PCDHA5: variants seen among roughly 807,000 people sequenced by gnomAD.
The protein encoded by PCDHA5 is protocadherin alpha-5.
A neutral mutation model predicts 61.6 loss-of-function variants in PCDHA5; 43 were observed. The observed-to-expected ratio is 0.70, with a 90% CI of 0.55 to 0.90. The LOEUF (loss-of-function observed/expected upper bound fraction) is 0.90. PCDHA5 is among the 40% of genes least tolerant of loss of function. The pLI, the probability that PCDHA5 is intolerant of heterozygous loss-of-function variation, is 0.00. For synonymous variants in PCDHA5, 627 were observed against 543.9 expected, an observed-to-expected ratio of 1.15 and a Z score of -2.13; for missense variants, 1,298 against 1,222.7, an observed-to-expected ratio of 1.06 and a Z score of -0.92.
At chr5:140,836,003 G>T (rs1456412206) in intron 1 of PCDHA5, 5 of 1,613,328 alleles carry the variant, frequency 3.1e-6, no homozygotes, top group African/African-American at 2.7e-5. Flanking sequence ...CGCGCGATGC[G>T]GGCGTGCCGC....
rs781814958 is a variant in PCDHA5 at position 140,869,604 on chromosome 5, A to G, written c.2352+45477A>G. On this transcript the variant is annotated intron_variant, in intron 1 of 3. Transcript: ENST00000529859. ...ATGCTGACATTGAAGAGAATGCTCTATTGACCTACAGGCTAAGTAAAAATG... is the reference window on the plus strand; with the variant it reads ...ATGCTGACATTGAAGAGAATGCTCTGTTGACCTACAGGCTAAGTAAAAATG... 5 of 1,613,944 alleles carry G rather than the reference A, an allele frequency of 3.1e-6. No individual in the cohort carries two copies. In the African/African-American group the frequency reaches 4.0e-5, roughly 13 times the overall value.
In PCDHA5 at chr5:140,849,917, C is replaced by A. The variant is rs2150457519; in HGVS notation, c.2352+25790C>A. ...AGAACAACCCGCCGGGCTGCCACATCTTCACGGTGTCTGCGCGGGACGCTG... is the reference window on the plus strand; with the variant it reads ...AGAACAACCCGCCGGGCTGCCACATATTCACGGTGTCTGCGCGGGACGCTG... On this transcript the variant is annotated intron_variant, in intron 1 of 3. Coordinates refer to ENST00000529859, the MANE Select transcript of PCDHA5 (RefSeq NM_018908.3). 7 of 1,598,228 alleles carry A rather than the reference C, an allele frequency of 4.4e-6. No individual in the cohort carries two copies. In the South Asian group the frequency reaches 7.7e-5, roughly 18 times the overall value.
intron 1 of PCDHA5, among the ~76,000 whole-genome samples, chr5:140,916,170 G>A (rs782402888): frequency 1.5e-4 from 23 of 152,106 alleles, no homozygotes; most frequent in Non-Finnish European, 2.9e-4. Flanking sequence ...TGCCAGGCCT[G>A]GGACTCTTCA....
chr5:140,927,637 G>A lies in PCDHA5; in HGVS notation c.2353-51312G>A, dbSNP rs1554204838. Reference sequence around the variant, plus strand: ...CAAGGTTCCAGAGACTGCACCCAATGGGACTGTGTTATTCCGAGTTCAAGC... The same window carrying A: ...CAAGGTTCCAGAGACTGCACCCAATAGGACTGTGTTATTCCGAGTTCAAGC... On this transcript the variant is annotated intron_variant, in intron 1 of 3. Coordinates refer to ENST00000529859, the MANE Select transcript of PCDHA5 (RefSeq NM_018908.3). 3.7e-6 allele frequency: 6 copies of A among 1,614,176 alleles called. 1 individual carries two copies. In the Middle Eastern group the frequency reaches 9.9e-4, roughly 266 times the overall value.
At chr5:140,834,587 C>T (rs2150222038) in intron 1 of PCDHA5, 4 of 1,614,120 alleles carry the variant, frequency 2.5e-6, no homozygotes, top group Admixed American at 3.3e-5. Context: ...GGGCGGTGTG[C>T]AAATTCCGTG....
At chr5:140,986,437 G>A (rs1554248053) in intron 3 of PCDHA5, among the ~76,000 whole-genome samples, 2 of 152,182 alleles carry the variant, frequency 1.3e-5, no homozygotes, top group Admixed American at 6.5e-5. Flanking sequence ...GAGTACTAAT[G>A]CCCTGAAGAG....
intron 2 of PCDHA5, chr5:140,982,222 A>C: frequency 3.5e-6 from 2 of 569,284 alleles, no homozygotes; most frequent in Non-Finnish European, 2.7e-6. Context: ...CATGGCGTTA[A>C]TAAAAAACAG....
At chr5:140,838,089 T>C (rs1418087315) in intron 1 of PCDHA5, among the ~76,000 whole-genome samples, 2 of 121,978 alleles carry the variant, frequency 1.6e-5, no homozygotes, top group East Asian at 4.2e-4. Flanking sequence ...TGTGTGTGTG[T>C]GTGTGTGTGT....
intron 3 of PCDHA5, among the ~76,000 whole-genome samples, chr5:140,983,234 G>C (rs1021819523): frequency 6.6e-6 from 1 of 152,196 alleles, no homozygotes; most frequent in Non-Finnish European, 1.5e-5. Context: ...TTTCAGGAAA[G>C]AGAACCTGCT....
At chr5:140,914,562 C>A (rs2076761052) in intron 1 of PCDHA5, among the ~76,000 whole-genome samples, 1 of 152,190 alleles carries the variant, frequency 6.6e-6, no homozygotes, top group East Asian at 1.9e-4. Flanking sequence ...AGAGTTTAGT[C>A]CATTTACATT....
intron 3 of PCDHA5, among the ~76,000 whole-genome samples, chr5:140,984,886 C>A (rs1254649508): frequency 1.3e-5 from 2 of 151,720 alleles, no homozygotes; most frequent in Non-Finnish European, 2.9e-5. Context: ...ACCATGAGAA[C>A]TAAAGGAGAA....
chr5:140,883,393 C>G, intron 1 of PCDHA5: 1 of 1,614,160 alleles, frequency 6.2e-7, no homozygotes, highest in South Asian at 1.1e-5. Context: ...TCAGTGTGTC[C>G]GATCGTGACT....
intron 1 of PCDHA5, among the ~76,000 whole-genome samples, chr5:140,950,594 G>C (rs1469063256): frequency 6.6e-6 from 1 of 152,040 alleles, no homozygotes; most frequent in African/African-American, 2.4e-5. Flanking sequence ...TGGTTTAGAA[G>C]TTTGACTATG....
chr5:140,963,850 A>T (rs2095793640), intron 1 of PCDHA5, among the ~76,000 whole-genome samples: 1 of 152,244 alleles, frequency 6.6e-6, no homozygotes. Flanking sequence ...TAATCATAAT[A>T]ATAACCGTAT....
In PCDHA5 at chr5:141,010,200, C is replaced by T. The variant is rs1356287133; in HGVS notation, c.*263C>T. On this transcript the variant is annotated 3_prime_UTR_variant, in exon 4 of 4. Coordinates refer to ENST00000529859, the MANE Select transcript of PCDHA5 (RefSeq NM_018908.3). ...AGCAGACCCAAGTTTCCTTTCTCCTCCGCCGCAAAGGAGAGGCTTCCCAGC... is the reference window on the plus strand; with the variant it reads ...AGCAGACCCAAGTTTCCTTTCTCCTTCGCCGCAAAGGAGAGGCTTCCCAGC... The T allele has an allele frequency of 1.3e-6, 2 of 1,551,984 alleles. No individual in the cohort carries two copies. Among genetic ancestry groups the T allele is most frequent in the African/African-American group, 2.7e-5 (2 of 73,038 alleles).
intron 1 of PCDHA5, chr5:140,861,770 C>T (rs2047074115): frequency 6.2e-6 from 1 of 161,486 alleles, no homozygotes; most frequent in African/African-American, 2.4e-5. Flanking sequence ...CCTGGAAATA[C>T]CAAGAGCAGG....
intron 1 of PCDHA5, among the ~76,000 whole-genome samples, chr5:140,959,421 TTTG>T (rs1393541693): frequency 6.6e-6 from 1 of 152,102 alleles, no homozygotes; most frequent in East Asian, 1.9e-4. Flanking sequence ...GATCTGAGAA[TTTG>T]TGTATTTTTT....
Position 140,949,361 on chromosome 5 carries a change from G to C in PCDHA5, c.2353-29588G>C, listed in dbSNP as rs150004166. 4.9e-3 allele frequency among the ~76,000 whole-genome samples: 749 copies of C among 151,546 alleles called. 8 individuals are homozygous for C. The highest frequency in any genetic ancestry group is 0.017 in the African/African-American group (722 of 41,420). On this transcript the variant is annotated intron_variant, in intron 1 of 3. Coordinates refer to ENST00000529859, the MANE Select transcript of PCDHA5 (RefSeq NM_018908.3). ...AGATTTTCTGTGTCTTTATTTTTTT[G>C]TCTAGTTGTCCTATCAATTGCTCAG...
intron 1 of PCDHA5, among the ~76,000 whole-genome samples, chr5:140,961,726 A>ACAAT (rs1470566144): frequency 1.4e-4 from 21 of 152,270 alleles, no homozygotes; most frequent in African/African-American, 4.8e-4. Flanking sequence ...GTGCTCATAA[A>ACAAT]CAATCACTTT....
Sources: allele counts gnomAD v4.1 joint callset (sites outside exome capture counted in the v4.1 genomes callset), GRCh38; gene constraint gnomAD v4.1.1; transcripts MANE v1.5; gene names NCBI Gene and HGNC (gene_info 2026-07-23, HGNC 2026-07-21).